MS4A2: variants seen among roughly 807,000 people sequenced by gnomAD.
MS4A2 encodes high affinity immunoglobulin epsilon receptor subunit beta.
Under a neutral mutation model 27.9 loss-of-function variants are expected in MS4A2, and 26 were observed. The observed-to-expected ratio is 0.93, with a 90% confidence interval of 0.68 to 1.29. The LOEUF (loss-of-function observed/expected upper bound fraction) is 1.29. Ranked by LOEUF, MS4A2 falls within the 50% of genes most tolerant of loss-of-function variation. The pLI is 0.00. For missense variants in MS4A2, 284 were observed against 284.6 expected, an observed-to-expected ratio of 1.00 and a Z score of 0.01; for synonymous variants, 110 against 98.8, an observed-to-expected ratio of 1.11 and a Z score of -0.67.
rs1855807129 is a variant in MS4A2, at chr11:60,093,492, C to T, written c.471C>T (p.Ala157=). ...TCATCAACCTGAAGAAGAGCTTGGC[C>T]TATATCCACATCCACAGTTGCCAGA... is the stretch of plus-strand genomic sequence containing the variant. ...ILIINLKKSL[A]YIHIHSCQKF... is the part of the protein sequence containing the mutation. Residue 157 remains alanine (A), a synonymous_variant, in exon 5 of 7, where the codon GCC becomes GCT. Coordinates refer to ENST00000278888, the MANE Select transcript of MS4A2 (RefSeq NM_000139.5). The T allele has an allele frequency of 3.1e-6, 5 of 1,614,188 alleles. No individual in the cohort carries two copies. The highest frequency in any genetic ancestry group is 4.2e-6 in the Non-Finnish European group (5 of 1,180,036).
intron 5 of MS4A2, 70 bp downstream of exon 5, chr11:60,093,628 C>T (rs776330533): frequency 6.4e-7 from 1 of 1,569,846 alleles, no homozygotes; most frequent in South Asian, 1.1e-5. Context: ...CCCTCTTCTC[C>T]TGTTCCATGA....
intron 6 of MS4A2, among the ~76,000 whole-genome samples, chr11:60,094,940 A>G (rs1855841222): frequency 6.6e-6 from 1 of 152,134 alleles, no homozygotes; most frequent in Non-Finnish European, 1.5e-5. Flanking sequence ...GCTTGAGCCC[A>G]AGAGATGGAG....
chr11:60,094,700 G>A (rs1455810533), intron 6 of MS4A2, among the ~76,000 whole-genome samples: 1 of 152,204 alleles, frequency 6.6e-6, no homozygotes, highest in East Asian at 1.9e-4. Context: ...TGTAATCTCA[G>A]CACTTTGTGA....
intron 5 of MS4A2, 60 bp downstream of exon 5, chr11:60,093,618 C>A (rs1303607783): frequency 3.8e-6 from 6 of 1,586,194 alleles, no homozygotes; most frequent in African/African-American, 2.7e-5. Flanking sequence ...AAGTAAGAAG[C>A]CCTCTTCTCC....
chr11:60,094,161 A>G (rs1855825309), intron 6 of MS4A2, 99 bp downstream of exon 6: 2 of 814,638 alleles, frequency 2.5e-6, no homozygotes, highest in South Asian at 2.9e-5. Context: ...CATTTCTTCC[A>G]GAAAATAGTT....
intron 3 of MS4A2, among the ~76,000 whole-genome samples, chr11:60,092,536 T>C (rs183317177): frequency 1.3e-5 from 2 of 152,144 alleles, no homozygotes; most frequent in African/African-American, 4.8e-5. Flanking sequence ...CCTCCGGTGA[T>C]TCCCCCGCCT....
intron 4 of MS4A2, 63 bp downstream of exon 4, chr11:60,092,911 G>A: frequency 1.4e-6 from 2 of 1,474,894 alleles, no homozygotes; most frequent in Non-Finnish European, 1.9e-6. Context: ...AGTTTTAAGA[G>A]TCTTAAGGGA....
rs1855790914 is a variant in MS4A2 at position 60,092,838 on chromosome 11, C to T, written c.368C>T (p.Ala123Val). Residue 123 changes from alanine (A) to valine (V), a missense_variant, in exon 4 of 7, where the codon GCA (alanine) becomes GTA (valine). Ala to Val is a moderately conservative substitution (Grantham distance 64). Coordinates refer to ENST00000278888, the MANE Select transcript of MS4A2 (RefSeq NM_000139.5). ...MLSIISERRNATYLVRGSLGA... is the reference protein window; with the variant it reads ...MLSIISERRNVTYLVRGSLGA... ...TCAATTATATCTGAAAGGAGAAATG[C>T]AACATATCTGGTGAGTTGCCCGTTT... The T allele has an allele frequency of 6.2e-7, 1 of 1,613,760 alleles. No homozygotes were observed. Among genetic ancestry groups the T allele is most frequent in the Non-Finnish European group, 8.5e-7 (1 of 1,179,830 alleles).
At chr11:60,094,099 G>A in intron 6 of MS4A2, 37 bp downstream of exon 6, 2 of 1,397,368 alleles carry the variant, frequency 1.4e-6, no homozygotes, top group Non-Finnish European at 2.0e-6. Flanking sequence ...TGAATGACAG[G>A]TTAACGAATT....
chr11:60,088,924 ATCCATCTAGTT>A lies in MS4A2; in HGVS notation c.56+105_56+115del, dbSNP rs1855704534. 4 of 1,161,204 alleles carry A rather than the reference ATCCATCTAGTT, an allele frequency of 3.4e-6. No homozygotes were observed. The South Asian group carries it at 5.3e-5, about 15-fold the overall frequency. 71.9% of individuals were successfully genotyped at this position (1,161,204 alleles called of 1,614,324 possible). ...TGAAACTTTATTGATTTAGGCATGG[ATCCATCTAGTT>A]TAATTAATATATTGGGTATGAGGAA... On this transcript the variant is annotated intron_variant, in intron 1 of 6. Coordinates refer to ENST00000278888, the MANE Select transcript of MS4A2 (RefSeq NM_000139.5).
chr11:60,090,596 T>G (rs1855742534), intron 3 of MS4A2, 126 bp downstream of exon 3: 2 of 857,598 alleles, frequency 2.3e-6, no homozygotes, highest in Admixed American at 5.6e-5. Flanking sequence ...ATAAATTATA[T>G]GTGAGCATAT....
chr11:60,096,487 T>C lies in MS4A2; in HGVS notation c.*831T>C, dbSNP rs958006858. On this transcript the variant is annotated 3_prime_UTR_variant, in exon 7 of 7. Transcript: ENST00000278888. ...ATGTAGAAAAAGAGTAACTGGTAGATTTTGTTAACAAATTAAAGAATAAAG... is the reference window on the plus strand; with the variant it reads ...ATGTAGAAAAAGAGTAACTGGTAGACTTTGTTAACAAATTAAAGAATAAAG... 3.3e-5 allele frequency: 5 copies of C among 152,194 alleles called. No homozygotes were observed. Among genetic ancestry groups the C allele is most frequent in the Non-Finnish European group, 7.3e-5 (5 of 68,042 alleles). 9.4% of individuals were successfully genotyped at this position (152,194 alleles called of 1,614,324 possible).
Position 60,090,332 on chromosome 11 carries a change from A to G in MS4A2, c.187-4A>G. 4 of 1,612,306 alleles carry G rather than the reference A, an allele frequency of 2.5e-6. No homozygotes were observed. The highest frequency in any genetic ancestry group is 3.4e-6 in the Non-Finnish European group (4 of 1,179,738). On this transcript the variant is annotated splice_polypyrimidine_tract_variant and splice_region_variant and intron_variant, in intron 2 of 6. Coordinates refer to ENST00000278888, the MANE Select transcript of MS4A2 (RefSeq NM_000139.5). ...TTTCATGAAATTCATGTGTTTTTCT[A>G]TAGGTAACACAAATTCTGACTGCTA...
chr11:60,095,541 G>T lies in MS4A2; in HGVS notation c.637-17G>T. Reference sequence around the variant, plus strand: ...AAATTTGTGGTGATTGATATGAAATGATTTTTCCCTTATCAGGTTCCAGAG... The same window carrying T: ...AAATTTGTGGTGATTGATATGAAATTATTTTTCCCTTATCAGGTTCCAGAG... On this transcript the variant is annotated splice_polypyrimidine_tract_variant and intron_variant, in intron 6 of 6. Transcript: ENST00000278888. 1.3e-6 allele frequency: 2 copies of T among 1,518,254 alleles called. No homozygotes were observed. The highest frequency in any genetic ancestry group is 1.8e-6 in the Non-Finnish European group (2 of 1,092,824). The allele number at this position is 1,518,254 out of a possible 1,614,324, so 94.0% of individuals were successfully genotyped here.
At position 60,090,325 on chromosome 11, in the gene MS4A2, T is replaced by C. The variant is rs1404146427; in HGVS notation, c.187-11T>C. The C allele has an allele frequency of 6.2e-7, 1 of 1,611,790 alleles. No homozygotes were observed. Among genetic ancestry groups the C allele is most frequent in the East Asian group, 2.2e-5 (1 of 44,808 alleles). On this transcript the variant is annotated splice_polypyrimidine_tract_variant and intron_variant, in intron 2 of 6. Transcript: ENST00000278888. ...TTTTGATTTTCATGAAATTCATGTG[T>C]TTTTCTATAGGTAACACAAATTCTG...
chr11:60,088,745 G>A lies in MS4A2; in HGVS notation c.-21G>A, dbSNP rs373360820. ...AATATAATAATATTCTTTATTCCTG[G>A]ACAGCTCGGTTAATGAAAAAATGGA... On this transcript the variant is annotated 5_prime_UTR_variant, in exon 1 of 7. Transcript: ENST00000278888. 1.2e-6 allele frequency: 2 copies of A among 1,607,452 alleles called. No individual in the cohort carries two copies. Among genetic ancestry groups the A allele is most frequent in the Non-Finnish European group, 1.7e-6 (2 of 1,175,906 alleles).
intron 2 of MS4A2, 119 bp downstream of exon 2, chr11:60,089,940 A>G (rs1855727152): frequency 2.3e-6 from 3 of 1,318,110 alleles, no homozygotes; most frequent in Non-Finnish European, 3.1e-6. Flanking sequence ...TTTAAAAAAC[A>G]TGGTAGATAA....
Position 60,094,042 on chromosome 11 carries a change from G to T in MS4A2, c.616G>T (p.Glu206Ter). Residue 206 changes from glutamate to a stop codon, truncating the protein, a stop_gained, in exon 6 of 7, where the codon GAA becomes TAA. Transcript: ENST00000278888. LOFTEE classifies it high-confidence loss of function. The part of the protein sequence containing the change: ...AVSLTICGAG[E>*]ELKGNKVPED... ...GTCACTCACAATCTGTGGAGCTGGG[G>T]AAGAACTCAAAGGAAACAAGGTAGA... 1 of 1,613,654 alleles carries T rather than the reference G, an allele frequency of 6.2e-7. No individual in the cohort carries two copies. The highest frequency in any genetic ancestry group is 8.5e-7 in the Non-Finnish European group (1 of 1,179,570).
At chr11:60,090,190 T>A (rs1855731825) in intron 2 of MS4A2, 146 bp from the exon 3 acceptor site, 1 of 834,770 alleles carries the variant, frequency 1.2e-6, no homozygotes, top group Admixed American at 2.1e-5. Flanking sequence ...GGCTAGGGTA[T>A]CCTGGAAAAT....
Sources: allele counts gnomAD v4.1 joint callset (sites outside exome capture counted in the v4.1 genomes callset), GRCh38; gene constraint gnomAD v4.1.1; transcripts MANE v1.5; gene names NCBI Gene and HGNC (gene_info 2026-07-23, HGNC 2026-07-21).